Variants in ZFAND3 observed in about 807,000 individuals in gnomAD.
The protein encoded by ZFAND3 is zinc finger AN1-type containing 3.
A neutral mutation model predicts 29.6 loss-of-function variants in ZFAND3; 10 were observed. The ratio of observed to expected loss-of-function variants is 0.34; its 90% confidence interval spans 0.21 to 0.57. ZFAND3 has a LOEUF of 0.57. Among genes scored for constraint, ZFAND3 ranks in the 20% least tolerant of loss-of-function variants. ZFAND3 has a pLI of 0.86. For synonymous variants in ZFAND3, 128 were observed against 112.6 expected (o/e 1.14, Z -0.87); for missense variants, 230 against 304.5 (o/e 0.76, Z 1.82).
chr6:37,914,662 C>CTTTTTTTTTTGTT (rs1327923079), intron 1 of ZFAND3, among the ~76,000 whole-genome samples: 1 of 62,474 alleles, frequency 1.6e-5, no homozygotes, highest in Non-Finnish European at 3.6e-5. Context: ...TTCTTTCTTT[C>CTTTTTTTTTTGTT]TTTTTTTTTC....
chr6:37,925,580 T>C (rs1205796514), intron 1 of ZFAND3, among the ~76,000 whole-genome samples: 1 of 151,918 alleles, frequency 6.6e-6, no homozygotes, highest in African/African-American at 2.4e-5. Flanking sequence ...GGCGGGCGCC[T>C]GTAATCCCAG....
intron 2 of ZFAND3, among the ~76,000 whole-genome samples, chr6:38,013,239 C>T (rs900893225): frequency 2.0e-5 from 3 of 152,152 alleles, no homozygotes; most frequent in East Asian, 1.9e-4. Flanking sequence ...CACTATCATT[C>T]GCTAACATTT....
intron 1 of ZFAND3, among the ~76,000 whole-genome samples, chr6:37,837,053 T>C (rs1436902044): frequency 1.3e-5 from 2 of 152,190 alleles, no homozygotes; most frequent in African/African-American, 4.8e-5. Context: ...ATACTAATAC[T>C]CAGATTCCAT....
Position 37,962,901 on chromosome 6 carries a change from C to A in ZFAND3, c.112+32902C>A, listed in dbSNP as rs543256730. On this transcript the variant is annotated intron_variant, in intron 2 of 5. Transcript: ENST00000287218. The stretch of plus-strand genomic sequence containing the variant: ...ACTGTGAATGTCTGCGGCTTCACTC[C>A]TGAAGTCAGCGAGACCACGAACCCA... Among the ~76,000 whole-genome samples the A allele has an allele frequency of 3.3e-5, 5 of 152,286 alleles. No homozygotes were observed. The East Asian group carries it at 9.6e-4, about 29-fold the overall frequency.
chr6:37,965,256 G>A (rs1762272552), intron 2 of ZFAND3, among the ~76,000 whole-genome samples: 1 of 152,124 alleles, frequency 6.6e-6, no homozygotes, highest in Non-Finnish European at 1.5e-5. Context: ...GTTTAGACCA[G>A]TAACTACTTA....
chr6:38,048,338 C>A (rs1047276302), intron 2 of ZFAND3, among the ~76,000 whole-genome samples: 1 of 151,760 alleles, frequency 6.6e-6, no homozygotes, highest in Non-Finnish European at 1.5e-5. Context: ...AAAATATATT[C>A]AGGCCGGGCG....
At chr6:38,144,213 T>TATA (rs1766046186) in intron 5 of ZFAND3, among the ~76,000 whole-genome samples, 2 of 55,360 alleles carry the variant, frequency 3.6e-5, no homozygotes, top group Non-Finnish European at 6.6e-5. Context: ...ATATATATAA[T>TATA]ATATAATATA....
chr6:38,131,360 C>A (rs1238683261), intron 5 of ZFAND3, among the ~76,000 whole-genome samples: 1 of 152,152 alleles, frequency 6.6e-6, no homozygotes, highest in Non-Finnish European at 1.5e-5. Flanking sequence ...TTAAGGAGTA[C>A]TTCTAAGAAG....
At chr6:38,080,786 G>C (rs747787901) in intron 3 of ZFAND3, among the ~76,000 whole-genome samples, 24 of 152,142 alleles carry the variant, frequency 1.6e-4, no homozygotes, top group Non-Finnish European at 3.5e-4. Flanking sequence ...GGGTTTTTGA[G>C]GATGTTGAGG....
intron 4 of ZFAND3, among the ~76,000 whole-genome samples, chr6:38,085,053 T>G (rs967167594): frequency 6.6e-6 from 1 of 152,226 alleles, no homozygotes; most frequent in Non-Finnish European, 1.5e-5. Context: ...CATCTTTCTC[T>G]GTGTCCTGCA....
intron 2 of ZFAND3, among the ~76,000 whole-genome samples, chr6:37,935,270 C>T (rs375131514): frequency 2.6e-5 from 4 of 152,270 alleles, no homozygotes; most frequent in African/African-American, 9.6e-5. Context: ...ACAAATCTTT[C>T]CAATTATCAG....
At chr6:38,004,828 A>T (rs1345287194) in intron 2 of ZFAND3, among the ~76,000 whole-genome samples, 1 of 152,334 alleles carries the variant, frequency 6.6e-6, no homozygotes, top group Non-Finnish European at 1.5e-5. Context: ...ATGTCTGGCT[A>T]TAACACAGAT....
intron 4 of ZFAND3, among the ~76,000 whole-genome samples, chr6:38,088,540 A>G (rs1437145746): frequency 1.3e-5 from 2 of 152,290 alleles, no homozygotes; most frequent in African/African-American, 2.4e-5. Context: ...ATTGCTTGTA[A>G]CTCAAAGGGT....
intron 4 of ZFAND3, among the ~76,000 whole-genome samples, chr6:38,085,583 A>T (rs750047660): frequency 5.9e-5 from 9 of 152,160 alleles, no homozygotes; most frequent in Non-Finnish European, 1.2e-4. Flanking sequence ...GTGTGTTCAT[A>T]CATATACTTT....
At chr6:37,844,706 C>T (rs905367985) in intron 1 of ZFAND3, among the ~76,000 whole-genome samples, 5 of 151,900 alleles carry the variant, frequency 3.3e-5, no homozygotes, top group Non-Finnish European at 5.9e-5. Context: ...ACCACTTTAA[C>T]ACTTAGGGTC....
intron 2 of ZFAND3, among the ~76,000 whole-genome samples, chr6:37,940,846 A>C (rs890788192): frequency 5.9e-5 from 9 of 152,238 alleles, no homozygotes; most frequent in Non-Finnish European, 1.0e-4. Context: ...AAAATGACAC[A>C]TAATCTTAAA....
At chr6:38,045,781 G>A (rs1763892357) in intron 2 of ZFAND3, among the ~76,000 whole-genome samples, 1 of 152,112 alleles carries the variant, frequency 6.6e-6, no homozygotes, top group African/African-American at 2.4e-5. Flanking sequence ...TACAGATTGA[G>A]TAGTAAGACC....
intron 2 of ZFAND3, among the ~76,000 whole-genome samples, chr6:38,016,034 A>G (rs1358577366): frequency 2.0e-5 from 3 of 152,258 alleles, no homozygotes; most frequent in African/African-American, 7.2e-5. Flanking sequence ...CCATACATTC[A>G]GTCACCAGTG....
chr6:37,870,679 T>C (rs1009730674), intron 1 of ZFAND3, among the ~76,000 whole-genome samples: 2 of 151,558 alleles, frequency 1.3e-5, no homozygotes, highest in South Asian at 2.1e-4. Context: ...ACTAAGAAAT[T>C]AGTAATTCTT....
Sources: gnomAD v4.1 joint callset for allele counts (sites outside exome capture counted in the v4.1 genomes callset) on GRCh38, gnomAD v4.1.1 for gene constraint, MANE v1.5 for transcripts, NCBI Gene and HGNC (gene_info 2026-07-23, HGNC 2026-07-21) for gene names.